USH2A: variants seen among roughly 807,000 people sequenced by gnomAD.
The protein encoded by USH2A is Usher syndrome 2A (autosomal recessive, mild).
Under a neutral mutation model 538.9 loss-of-function variants are expected in USH2A, and 443 were observed. That is an observed-to-expected ratio of 0.82 (90% confidence interval 0.76 to 0.89). The LOEUF (loss-of-function observed/expected upper bound fraction) is 0.89, where lower values mean the gene tolerates loss of function less well. USH2A is among the 40% of genes least tolerant of loss of function. The probability of loss-of-function intolerance (pLI) is 0.00; values close to 1 mark genes in which losing one functional copy is unlikely to be tolerated. For missense variants in USH2A, 6,633 were observed against 6,324.8 expected (o/e 1.05, Z -1.65); for synonymous variants, 2,413 against 2,273.5 (o/e 1.06, Z -1.75).
At chr1:216,056,058 A>AT (rs1304721164) in intron 30 of USH2A, among the ~76,000 whole-genome samples, 2 of 152,282 alleles carry the variant, frequency 1.3e-5, no homozygotes, top group East Asian at 3.9e-4. Flanking sequence ...TTAAACAGTG[A>AT]TTTTAATTGA....
intron 4 of USH2A, among the ~76,000 whole-genome samples, chr1:216,353,678 C>T (rs1483345586): frequency 1.3e-5 from 2 of 151,894 alleles, no homozygotes; most frequent in African/African-American, 2.4e-5. Flanking sequence ...TAAGTATAGA[C>T]AGAGTTGTGC....
Position 215,674,977 on chromosome 1 carries a change from C to T in USH2A, c.12934G>A (p.Asp4312Asn). ...RNEMLYPFSF[D>N]PVTFNYTDEE... ...TCAGTGTAATTGAAAGTCACAGGAT[C>T]AAAGCTAAAAGGATAGAGCATTTCA... is the stretch of plus-strand genomic sequence containing the variant. The change falls in exon 63 of 72, where the codon GAT becomes AAT. Residue 4312 changes from aspartate (D) to asparagine (N), a missense_variant. Coordinates refer to ENST00000307340, the MANE Select transcript of USH2A (RefSeq NM_206933.4). The T allele has an allele frequency of 9.3e-6, 15 of 1,614,162 alleles. No individual in the cohort carries two copies. Among genetic ancestry groups the T allele is most frequent in the Non-Finnish European group, 1.3e-5 (15 of 1,180,032 alleles).
intron 61 of USH2A, among the ~76,000 whole-genome samples, chr1:215,709,667 A>G (rs1007085060): frequency 7.5e-6 from 1 of 133,568 alleles, no homozygotes; most frequent in Admixed American, 7.5e-5. Flanking sequence ...AAAAAAAAAA[A>G]AAACTCATTC....
Position 216,355,961 on chromosome 1 carries a change from G to A in USH2A, c.784+8992C>T, listed in dbSNP as rs186244821. On this transcript the variant is annotated intron_variant, in intron 4 of 71. Transcript: ENST00000307340. ...AATACCTAACATGAATCAAACATGT[G>A]TTATTTATAAGCTCTCTGATCACCC... 1.3e-3 allele frequency among the ~76,000 whole-genome samples: 198 copies of A among 152,134 alleles called. 2 individuals carry two copies. Among genetic ancestry groups the A allele is most frequent in the African/African-American group, 4.4e-3 (183 of 41,526 alleles).
chr1:215,724,127 T>C (rs1208249182), intron 61 of USH2A, among the ~76,000 whole-genome samples: 1 of 152,000 alleles, frequency 6.6e-6, no homozygotes. Flanking sequence ...ATATATCTCC[T>C]GATTTCCATT....
chr1:216,232,816 A>T (rs767094257), intron 13 of USH2A, among the ~76,000 whole-genome samples: 2 of 152,186 alleles, frequency 1.3e-5, no homozygotes, highest in Non-Finnish European at 2.9e-5. Flanking sequence ...ATGCTACTGT[A>T]GGGGCTTTAT....
At position 215,786,683 on chromosome 1, in the gene USH2A, C is replaced by T. The variant is rs137963595; in HGVS notation, c.10374G>A (p.Thr3458=). The T allele has an allele frequency of 5.5e-5, 89 of 1,613,958 alleles. No homozygotes were observed. In the African/African-American group the frequency reaches 6.4e-4, roughly 12 times the overall value. ...GCTTTCTGTTACCTGTGTAAGAGTA[C>T]GTGTTTACACTCCCTGTATGAATGG... is the stretch of plus-strand genomic sequence containing the variant. ...EETIHTGSVN[T]YSYTDVNLKP... is the part of the protein sequence containing the mutation. Residue 3458 remains threonine (T), a synonymous_variant, in exon 52 of 72, where the codon ACG becomes ACA. Transcript: ENST00000307340.
intron 3 of USH2A, among the ~76,000 whole-genome samples, chr1:216,399,872 C>T (rs187616068): frequency 1.1e-4 from 17 of 152,026 alleles, no homozygotes; most frequent in African/African-American, 3.6e-4. Context: ...GCAGTGACAA[C>T]GGGGTGATGA....
At chr1:216,235,947 T>C (rs983676364) in intron 13 of USH2A, among the ~76,000 whole-genome samples, 1 of 152,142 alleles carries the variant, frequency 6.6e-6, no homozygotes, top group Admixed American at 6.6e-5. Flanking sequence ...GCTTTATGAA[T>C]CAATATTTTC....
intron 3 of USH2A, among the ~76,000 whole-genome samples, chr1:216,411,052 C>T (rs548611961): frequency 6.6e-6 from 1 of 151,988 alleles, no homozygotes; most frequent in South Asian, 2.1e-4. Context: ...ATCTCCTGTC[C>T]TTCACATAAA....
At chr1:216,251,289 A>G (rs2036156732) in intron 11 of USH2A, among the ~76,000 whole-genome samples, 191 bp from the exon 12 acceptor site, 1 of 152,080 alleles carries the variant, frequency 6.6e-6, no homozygotes, top group Non-Finnish European at 1.5e-5. Context: ...AACTGAATGA[A>G]AATAAAACCC....
chr1:215,989,934 T>C (rs1667965695), intron 35 of USH2A, among the ~76,000 whole-genome samples: 1 of 152,154 alleles, frequency 6.6e-6, no homozygotes, highest in South Asian at 2.1e-4. Context: ...TCTGATTATT[T>C]AGGAGGTCTG....
rs571469756 is a variant in USH2A at position 215,623,276 on chromosome 1, G to A, written c.*2505C>T. 1 of 152,228 alleles carries A rather than the reference G, an allele frequency of 6.6e-6. No individual in the cohort carries two copies. The highest frequency in any genetic ancestry group is 1.5e-5 in the Non-Finnish European group (1 of 67,996). 9.4% of individuals were successfully genotyped at this position (152,228 alleles called of 1,614,324 possible). The stretch of plus-strand genomic sequence containing the variant: ...GTGAGTCAGGAGATTTAAATTTAAA[G>A]AGGTTCATCAAGAACTGCTCATTGT... On this transcript the variant is annotated 3_prime_UTR_variant, in exon 72 of 72. Coordinates refer to ENST00000307340, the MANE Select transcript of USH2A (RefSeq NM_206933.4).
intron 21 of USH2A, 35 bp downstream of exon 21, chr1:216,175,217 T>C: frequency 6.2e-7 from 1 of 1,613,006 alleles, no homozygotes; most frequent in Non-Finnish European, 8.5e-7. Context: ...TGGAGCTTCG[T>C]GTCTCCTAAA....
Position 215,864,191 on chromosome 1 carries a change from G to A in USH2A, c.8845+2816C>T, listed in dbSNP as rs146366121. 9.2e-5 allele frequency among the ~76,000 whole-genome samples: 14 copies of A among 152,246 alleles called. No homozygotes were observed. In the East Asian group the frequency reaches 2.3e-3, roughly 25 times the overall value. Reference sequence around the variant, plus strand: ...CCTTCTTGTTAAAGTGTTAATGACTGTTAAGTCTAAACGCATGAGAAATAG... The same window carrying A: ...CCTTCTTGTTAAAGTGTTAATGACTATTAAGTCTAAACGCATGAGAAATAG... On this transcript the variant is annotated intron_variant, in intron 44 of 71. Transcript: ENST00000307340.
intron 45 of USH2A, among the ~76,000 whole-genome samples, chr1:215,845,387 G>T (rs749246526): frequency 1.5e-4 from 23 of 151,980 alleles, no homozygotes; most frequent in Non-Finnish European, 3.2e-4. Flanking sequence ...TTGCTAACTG[G>T]CTTAGAAATG....
chr1:216,072,581 C>T (rs570645070), intron 29 of USH2A: 1 of 406,420 alleles, frequency 2.5e-6, no homozygotes, highest in African/African-American at 2.0e-5. Context: ...GTAAAGGTTA[C>T]CTATCCTTAG....
intron 43 of USH2A, among the ~76,000 whole-genome samples, chr1:215,869,737 T>C (rs552201863): frequency 1.3e-5 from 2 of 152,372 alleles, no homozygotes; most frequent in Non-Finnish European, 2.9e-5. Flanking sequence ...ATACAATTAA[T>C]AATCTTTATG....
chr1:216,154,793 A>G (rs575793832), intron 21 of USH2A, among the ~76,000 whole-genome samples: 23 of 152,314 alleles, frequency 1.5e-4, no homozygotes, highest in South Asian at 4.1e-4. Context: ...ATTTCATCAC[A>G]TACATATACC....
Sources: gnomAD v4.1 joint callset for allele counts (sites outside exome capture counted in the v4.1 genomes callset) on GRCh38, gnomAD v4.1.1 for gene constraint, MANE v1.5 for transcripts, NCBI Gene and HGNC (gene_info 2026-07-23, HGNC 2026-07-21) for gene names.